Variants in STAT6 observed in about 807,000 individuals in gnomAD.
The protein encoded by STAT6 is signal transducer and activator of transcription 6.
In STAT6, 45 loss-of-function variants were observed where a neutral mutation model predicts 106.3. The observed-to-expected ratio is 0.42, with a 90% CI of 0.33 to 0.54. STAT6 has a LOEUF of 0.54. Ranked by LOEUF, STAT6 falls within the 20% of genes least tolerant of loss-of-function variation. The probability of loss-of-function intolerance (pLI) is 0.06; values close to 1 mark genes in which losing one functional copy is unlikely to be tolerated. For synonymous variants in STAT6, 413 were observed against 413.6 expected (o/e 1.00, Z 0.02); for missense variants, 797 against 1,062.2 (o/e 0.75, Z 3.47).
intron 1 of STAT6, chr12:57,109,854 G>C (rs963814825): frequency 1.3e-5 from 2 of 152,150 alleles, no homozygotes; most frequent in Non-Finnish European, 2.9e-5. Context: ...CTCTCCCAGA[G>C]ATGAGGGAGA....
rs180889738 is a variant in STAT6 at position 57,101,503 on chromosome 12, T to G, written c.1512+787A>C. 5.7e-3 allele frequency among the ~76,000 whole-genome samples: 862 copies of G among 151,442 alleles called. 11 individuals are homozygous for G. Among genetic ancestry groups the G allele is most frequent in the African/African-American group, 0.02 (820 of 41,240 alleles). On this transcript the variant is annotated intron_variant, in intron 13 of 21. Transcript: ENST00000300134. The stretch of plus-strand genomic sequence containing the variant: ...CCTGCCTCAGCCGAGTAGCTGGGAT[T>G]ACAGACGCAAACGACCACTCCTGGC...
rs923967360 is a variant in STAT6 at position 57,098,776 on chromosome 12, C to T, written c.2066+16G>A. On this transcript the variant is annotated intron_variant, in intron 18 of 21. Coordinates refer to ENST00000300134, the MANE Select transcript of STAT6 (RefSeq NM_003153.5). ...CTGCACAGACCACTCCCATTCCTGT[C>T]TTTCCAGCTCCTTACACCATATCTG... 7.4e-6 allele frequency: 12 copies of T among 1,611,592 alleles called. No homozygotes were observed. The highest frequency in any genetic ancestry group is 1.0e-5 in the Non-Finnish European group (12 of 1,178,278).
At chr12:57,100,861 G>C (rs1440044820) in intron 13 of STAT6, 2 of 455,734 alleles carry the variant, frequency 4.4e-6, no homozygotes, top group Non-Finnish European at 8.8e-6. Flanking sequence ...TTGGGAACTT[G>C]AACAAACTAC....
At position 57,095,429 on chromosome 12, in the gene STAT6, ATTAT is replaced by A. The variant is rs1464799333; in HGVS notation, c.*1139_*1142del. On this transcript the variant is annotated 3_prime_UTR_variant, in exon 22 of 22. Transcript: ENST00000300134. The stretch of plus-strand genomic sequence containing the variant: ...TTTCTTTTCAGATTGTGTACAGTAG[ATTAT>A]TTATTTTGTTATTTTGGAATAAAAT... The A allele has an allele frequency of 1.3e-5, 2 of 152,592 alleles. No homozygotes were observed. Among genetic ancestry groups the A allele is most frequent in the African/African-American group, 2.4e-5 (1 of 41,418 alleles). The allele number at this position is 152,592 out of a possible 1,614,324, so 9.5% of individuals were successfully genotyped here.
intron 1 of STAT6, chr12:57,110,102 G>C (rs1744345461): frequency 6.6e-6 from 1 of 152,216 alleles, no homozygotes; most frequent in Admixed American, 6.5e-5. Context: ...TCCTCCAATA[G>C]GCCTTTCTCT....
intron 3 of STAT6, 130 bp downstream of exon 3, chr12:57,107,475 G>A (rs1592573520): frequency 2.1e-5 from 28 of 1,357,128 alleles, no homozygotes; most frequent in Non-Finnish European, 2.6e-5. Flanking sequence ...TAATTTGCCT[G>A]CTAGCTAGCA....
chr12:57,107,981 C>T (rs2034378172), intron 2 of STAT6, among the ~76,000 whole-genome samples, 182 bp downstream of exon 2: 2 of 152,234 alleles, frequency 1.3e-5, no homozygotes, highest in Admixed American at 1.3e-4. Flanking sequence ...ATGGGGTCTC[C>T]ATCTGTCAAC....
intron 1 of STAT6, among the ~76,000 whole-genome samples, chr12:57,109,458 A>G (rs2034465393): frequency 6.6e-6 from 1 of 152,218 alleles, no homozygotes; most frequent in Admixed American, 6.5e-5. Flanking sequence ...GAGTTTGGAA[A>G]GCAGGCTTTG....
intron 12 of STAT6, 139 bp from the exon 13 acceptor site, chr12:57,102,635 G>C: frequency 9.5e-7 from 1 of 1,047,738 alleles, no homozygotes; most frequent in Non-Finnish European, 1.4e-6. Context: ...GTTTTTTCTA[G>C]GTTACAGTGC....
In STAT6 at chr12:57,099,857, G is replaced by A. The variant is rs767800124; in HGVS notation, c.1654C>T (p.Leu552Phe). 5.6e-6 allele frequency: 9 copies of A among 1,614,244 alleles called. No homozygotes were observed. Among genetic ancestry groups the A allele is most frequent in the Non-Finnish European group, 7.6e-6 (9 of 1,180,048 alleles). ...ISKQYVTSLLLNEPDGTFLLR... is the reference protein window; with the variant it reads ...ISKQYVTSLLFNEPDGTFLLR... ...AGAAAGGTTCCGTCGGGCTCATTGA[G>A]AAGAAGGCTAGTAACGTACTGTTTG... Residue 552 changes from leucine to phenylalanine, a missense_variant, in exon 15 of 22, where the codon CTC (leucine) becomes TTC (phenylalanine). Physicochemically the swap from Leu to Phe is conservative, Grantham distance 22 (BLOSUM62 0). Around this residue, in one of 4 missense-constraint regions of STAT6, gnomAD observed 222 missense variants for 354.6 expected, o/e 0.63. Coordinates refer to ENST00000300134, the MANE Select transcript of STAT6 (RefSeq NM_003153.5). This position sits in a 1 kb window ranked among gnomAD's most constrained non-coding sequence, Gnocchi z 4.7.
At chr12:57,098,351 A>T (rs2033585085) in intron 19 of STAT6, among the ~76,000 whole-genome samples, 154 bp downstream of exon 19, 1 of 152,204 alleles carries the variant, frequency 6.6e-6, no homozygotes, top group African/African-American at 2.4e-5. Flanking sequence ...GGCAGTCCAG[A>T]TCTTAACTAC....
Position 57,106,321 on chromosome 12 carries a change from G to T in STAT6, c.550C>A (p.Gln184Lys). Residue 184 changes from glutamine to lysine, a missense_variant, in exon 7 of 22, where the codon CAG (glutamine) becomes AAG (lysine). Gln to Lys is a moderately conservative substitution (Grantham distance 53). Transcript: ENST00000300134. ...GPSEALAMLL[Q>K]ETTGELEAAK... ...GCCTCTAGCTCTCCAGTGGTCTCCTGCAGTAGCATGGCCAGGGCCTATGGG... is the reference window on the plus strand; with the variant it reads ...GCCTCTAGCTCTCCAGTGGTCTCCTTCAGTAGCATGGCCAGGGCCTATGGG... The T allele has an allele frequency of 6.2e-7, 1 of 1,614,238 alleles. No individual in the cohort carries two copies. Among genetic ancestry groups the T allele is most frequent in the Non-Finnish European group, 8.5e-7 (1 of 1,180,036 alleles).
In STAT6 at chr12:57,099,852, A is replaced by T; in HGVS notation, c.1659T>A (p.Asn553Lys). 1 of 1,614,242 alleles carries T rather than the reference A, an allele frequency of 6.2e-7. No homozygotes were observed. Among genetic ancestry groups the T allele is most frequent in the Non-Finnish European group, 8.5e-7 (1 of 1,180,046 alleles). ...GGAGGAGAAAGGTTCCGTCGGGCTCATTGAGAAGAAGGCTAGTAACGTACT... is the reference window on the plus strand; with the variant it reads ...GGAGGAGAAAGGTTCCGTCGGGCTCTTTGAGAAGAAGGCTAGTAACGTACT... ...SKQYVTSLLL[N>K]EPDGTFLLRF... Residue 553 changes from asparagine (N) to lysine (K), a missense_variant, in exon 15 of 22, where the codon AAT (asparagine) becomes AAA (lysine). Asn to Lys is a moderately conservative substitution (Grantham distance 94). Transcript: ENST00000300134. The surrounding 1 kb of genome is among the most constrained non-coding windows in gnomAD (Gnocchi z 4.7).
chr12:57,102,140 C>T (rs1007001596), intron 13 of STAT6, 150 bp downstream of exon 13: 1 of 851,248 alleles, frequency 1.2e-6, no homozygotes, highest in Non-Finnish European at 1.9e-6. Context: ...GGGGTTTTTC[C>T]TCCCTGGTCC....
At chr12:57,103,493 C>T (rs1297266454) in intron 11 of STAT6, 1 of 152,434 alleles carries the variant, frequency 6.6e-6, no homozygotes, top group African/African-American at 2.4e-5. Context: ...GATTGGATCT[C>T]CCTATGTAGC....
rs1455513928 is a variant in STAT6, at chr12:57,102,386, C to T, written c.1416G>A (p.Glu472=). The T allele has an allele frequency of 3.7e-6, 6 of 1,614,052 alleles. No individual in the cohort carries two copies. The African/African-American group carries it at 8.0e-5, about 22-fold the overall frequency. Residue 472 remains glutamate (E), a synonymous_variant, in exon 13 of 22, where the codon GAG becomes GAA. Coordinates refer to ENST00000300134, the MANE Select transcript of STAT6 (RefSeq NM_003153.5). ...EVGTNRGLLP[E]HFLFLAQKIF... ...TCTTCTGGGCCAGGAAGAGGAAGTG[C>T]TCTGGGAGCAGCCCCCGGTTGGTCC... is the stretch of plus-strand genomic sequence containing the variant.
intron 1 of STAT6, among the ~76,000 whole-genome samples, chr12:57,110,832 G>A (rs1489031768): frequency 1.3e-5 from 2 of 152,082 alleles, no homozygotes; most frequent in African/African-American, 4.8e-5. Flanking sequence ...CCCGACTCAG[G>A]GCAGAGGGGC....
At chr12:57,104,667 A>G in intron 10 of STAT6, 59 bp downstream of exon 10, 5 of 1,613,720 alleles carry the variant, frequency 3.1e-6, no homozygotes, top group South Asian at 1.1e-5. Context: ...CATCCTCTCC[A>G]AGGAGAGTCC....
chr12:57,100,700 G>GAAAGAGAGAGAGAGAA, intron 13 of STAT6: 1 of 62,936 alleles, frequency 1.6e-5, no homozygotes, highest in Non-Finnish European at 3.1e-5. Context: ...AAGAAAGAAA[G>GAAAGAGAGAGAGAGAA]AGAAAGAAAG....
Sources: allele counts gnomAD v4.1 joint callset (sites outside exome capture counted in the v4.1 genomes callset), GRCh38; gene constraint gnomAD v4.1.1; regional missense constraint gnomAD v4.1.1; non-coding constraint Gnocchi (gnomAD v3.1); transcripts MANE v1.5; gene names NCBI Gene and HGNC (gene_info 2026-07-23, HGNC 2026-07-21).